MED13L: variants seen among roughly 807,000 people sequenced by gnomAD.
The protein encoded by MED13L is mediator complex subunit 13L, also known as mediator of RNA polymerase II transcription subunit 13-like.
In MED13L, 7 loss-of-function variants were observed where a neutral mutation model predicts 220.9. The ratio of observed to expected loss-of-function variants is 0.03; its 90% CI spans 0.02 to 0.06. MED13L has a LOEUF of 0.06. Ranked by LOEUF, MED13L falls within the 10% of genes least tolerant of loss-of-function variation. The pLI is 1.00. For missense variants in MED13L, 1,965 were observed against 2,760.5 expected, an observed-to-expected ratio of 0.71 and a Z score of 6.46; for synonymous variants, 1,011 against 1,015.2, an observed-to-expected ratio of 1.00 and a Z score of 0.08.
At chr12:116,112,906 T>C (rs1264533352) in intron 2 of MED13L, among the ~76,000 whole-genome samples, 1 of 152,150 alleles carries the variant, frequency 6.6e-6, no homozygotes, top group African/African-American at 2.4e-5. Flanking sequence ...TCACTGACCC[T>C]AAGGCACCAT....
At chr12:116,225,022 G>A (rs1014225241) in intron 2 of MED13L, among the ~76,000 whole-genome samples, 3 of 152,084 alleles carry the variant, frequency 2.0e-5, no homozygotes, top group African/African-American at 7.2e-5. Context: ...AAGCTTGAAG[G>A]GTGCTTTTAA....
intron 3 of MED13L, among the ~76,000 whole-genome samples, chr12:116,105,777 T>C (rs754638982): frequency 1.3e-5 from 2 of 152,212 alleles, no homozygotes; most frequent in Non-Finnish European, 2.9e-5. Flanking sequence ...ATGTGTATAC[T>C]ATATAAATAA....
intron 4 of MED13L, among the ~76,000 whole-genome samples, chr12:116,079,151 C>T (rs1482664856): frequency 6.6e-6 from 1 of 152,140 alleles, no homozygotes; most frequent in African/African-American, 2.4e-5. Context: ...TTTATGTTAA[C>T]ATGCAGTGGG....
chr12:116,069,419 C>T (rs1418633713), intron 4 of MED13L, among the ~76,000 whole-genome samples: 1 of 152,160 alleles, frequency 6.6e-6, no homozygotes, highest in East Asian at 1.9e-4. Context: ...ATTAATAAAG[C>T]TAATTTGTAC....
At chr12:115,967,734 C>T (rs1345777910) in intron 28 of MED13L, among the ~76,000 whole-genome samples, 1 of 152,162 alleles carries the variant, frequency 6.6e-6, no homozygotes, top group Non-Finnish European at 1.5e-5. Context: ...GACTGTGGGG[C>T]ATGCATTCTT....
intron 4 of MED13L, among the ~76,000 whole-genome samples, chr12:116,040,968 C>G (rs529993268): frequency 6.6e-6 from 1 of 152,296 alleles, no homozygotes; most frequent in African/African-American, 2.4e-5. Flanking sequence ...AAGTGCTTCT[C>G]AAGCCCATTT....
At chr12:116,120,465 TCTCTCTCTCTCTCA>T (rs1419109393) in intron 2 of MED13L, among the ~76,000 whole-genome samples, 82 of 137,676 alleles carry the variant, frequency 6.0e-4, no homozygotes, top group African/African-American at 1.6e-3. Context: ...TCTCTCTCTC[TCTCTCTCTCTCTCA>T]CACACACACA....
At chr12:116,030,676 G>A (rs1370587543) in intron 4 of MED13L, among the ~76,000 whole-genome samples, 1 of 152,078 alleles carries the variant, frequency 6.6e-6, no homozygotes, top group African/African-American at 2.4e-5. Context: ...TGTATGTGCA[G>A]GAAGGTAAGT....
Position 116,114,409 on chromosome 12 carries a change from T to C in MED13L, c.311-2897A>G, listed in dbSNP as rs554896343. Among the ~76,000 whole-genome samples, 40 of 152,338 alleles carry C rather than the reference T, an allele frequency of 2.6e-4. 1 individual carries two copies. The highest frequency in any genetic ancestry group is 9.1e-4 in the African/African-American group (38 of 41,574). On this transcript the variant is annotated intron_variant, in intron 2 of 30. Coordinates refer to ENST00000281928, the MANE Select transcript of MED13L (RefSeq NM_015335.5). ...TGCCAGCTTTACCACAATTGCTGTA[T>C]AGCTGACACAATTTTAATACACCAT...
intron 1 of MED13L, chr12:116,276,602 T>TA (rs1367171559): frequency 1.7e-6 from 2 of 1,203,042 alleles, no homozygotes; most frequent in Non-Finnish European, 2.1e-6. Flanking sequence ...ATTATGGAAT[T>TA]TAAAAAAATT....
At chr12:116,273,444 C>T (rs1873555881) in intron 1 of MED13L, among the ~76,000 whole-genome samples, 1 of 151,914 alleles carries the variant, frequency 6.6e-6, no homozygotes, top group Admixed American at 6.6e-5. Flanking sequence ...AAATCATTCC[C>T]TTTTCCTAAT....
rs542425590 is a variant in MED13L, at chr12:116,007,645, C to CAAAAAA, written c.2013-15_2013-10dup. 556 of 759,528 alleles carry CAAAAAA rather than the reference C, an allele frequency of 7.3e-4. 8 individuals are homozygous for CAAAAAA. Among genetic ancestry groups the CAAAAAA allele is most frequent in the South Asian group, 2.1e-3 (89 of 41,446 alleles). 47.0% of individuals were successfully genotyped at this position (759,528 alleles called of 1,614,324 possible). On this transcript the variant is annotated splice_polypyrimidine_tract_variant and intron_variant, in intron 10 of 30. Coordinates refer to ENST00000281928, the MANE Select transcript of MED13L (RefSeq NM_015335.5). ...TAGGTTGTGCTAAGAGTCTAAAAGA[C>CAAAAAA]AAAAAAAAAAAAAAAAAAAAGAGCA...
intron 2 of MED13L, among the ~76,000 whole-genome samples, chr12:116,214,385 T>C (rs1882880872): frequency 1.3e-5 from 2 of 152,148 alleles, no homozygotes; most frequent in South Asian, 4.1e-4. Context: ...TCAGTGAACC[T>C]GGAATTCTTT....
intron 2 of MED13L, among the ~76,000 whole-genome samples, chr12:116,197,826 T>C (rs1016025765): frequency 6.6e-6 from 1 of 151,776 alleles, no homozygotes; most frequent in African/African-American, 2.4e-5. Context: ...CTAAAAATCA[T>C]GAAAATTAGA....
At chr12:115,992,219 C>T (rs1878111218) in intron 16 of MED13L, among the ~76,000 whole-genome samples, 1 of 152,112 alleles carries the variant, frequency 6.6e-6, no homozygotes, top group South Asian at 2.1e-4. Context: ...TATAAGCATC[C>T]TCATCCTAAC....
intron 4 of MED13L, among the ~76,000 whole-genome samples, chr12:116,083,603 G>C (rs576338909): frequency 2.6e-5 from 4 of 152,086 alleles, no homozygotes; most frequent in Admixed American, 2.6e-4. Flanking sequence ...CAGAGGAGCA[G>C]GCTACTGGTT....
At chr12:116,152,964 C>T (rs1229494039) in intron 2 of MED13L, among the ~76,000 whole-genome samples, 2 of 151,732 alleles carry the variant, frequency 1.3e-5, no homozygotes, top group African/African-American at 2.4e-5. Context: ...AAAAAAATTC[C>T]GAGTCTGTGA....
chr12:116,105,418 A>C (rs1346751870), intron 3 of MED13L, among the ~76,000 whole-genome samples: 1 of 152,202 alleles, frequency 6.6e-6, no homozygotes, highest in Non-Finnish European at 1.5e-5. Flanking sequence ...TTTTTCCAAC[A>C]AAAAAAGATA....
intron 30 of MED13L, among the ~76,000 whole-genome samples, chr12:115,962,378 A>G (rs7308437): frequency 0.15 from 22,646 of 152,178 alleles, 1,897 homozygotes; most frequent in Middle Eastern, 0.21. Flanking sequence ...ATGAGAATCT[A>G]ATGTCATTGC....
Sources: gnomAD v4.1 joint callset for allele counts (sites outside exome capture counted in the v4.1 genomes callset) on GRCh38, gnomAD v4.1.1 for gene constraint, MANE v1.5 for transcripts, NCBI Gene and HGNC (gene_info 2026-07-23, HGNC 2026-07-21) for gene names.